The following GOLGA3 variants were observed in gnomAD, a reference collection of about 807,000 sequenced individuals.
The protein encoded by GOLGA3 is golgin subfamily A member 3.
GOLGA3 carries 75 observed loss-of-function variants against 169.4 expected under a neutral mutation model. The ratio of observed to expected loss-of-function variants is 0.44; its 90% CI spans 0.37 to 0.54. GOLGA3 has a LOEUF of 0.54. Ranked by LOEUF, GOLGA3 falls within the 20% of genes least tolerant of loss-of-function variation. The pLI, the probability that GOLGA3 is intolerant of heterozygous loss-of-function variation, is 0.00. For synonymous variants in GOLGA3, 824 were observed against 822.4 expected (o/e 1.00, Z -0.03); for missense variants, 1,899 against 1,930.0 (o/e 0.98, Z 0.30).
rs369727513 is a variant in GOLGA3, at chr12:132,808,217, C to T, written c.852G>A (p.Val284=). The change falls in exon 5 of 24, where the codon GTG becomes GTA. Residue 284 remains valine (V), a synonymous_variant. Transcript: ENST00000450791. The part of the protein sequence containing the change: ...KQNRSSAASV[V]SEISLSPDTD... ...TGTCGGGGGACAGGCTGATCTCAGA[C>T]ACAACGGACGCCGCACTGCTTCTGT... is the stretch of plus-strand genomic sequence containing the variant. 1 of 1,613,688 alleles carries T rather than the reference C, an allele frequency of 6.2e-7. No individual in the cohort carries two copies. The highest frequency in any genetic ancestry group is 8.5e-7 in the Non-Finnish European group (1 of 1,179,846).
At chr12:132,792,871 T>C (rs1203276991) in intron 11 of GOLGA3, among the ~76,000 whole-genome samples, 27 of 100,862 alleles carry the variant, frequency 2.7e-4, no homozygotes, top group South Asian at 7.0e-4. Flanking sequence ...CTCGGAGGGC[T>C]CCACACAGAC....
intron 7 of GOLGA3, among the ~76,000 whole-genome samples, chr12:132,802,914 G>A (rs190845210): frequency 6.6e-6 from 1 of 152,228 alleles, no homozygotes; most frequent in African/African-American, 2.4e-5. Flanking sequence ...AATTAGCCGG[G>A]CGCGGTGGCA....
chr12:132,790,478 G>A (rs1345809550), intron 12 of GOLGA3, among the ~76,000 whole-genome samples: 1 of 152,170 alleles, frequency 6.6e-6, no homozygotes, highest in East Asian at 1.9e-4. Flanking sequence ...AGGAGGTACT[G>A]GCTTCACTGA....
chr12:132,811,937 G>A (rs1035092743), intron 4 of GOLGA3: 1 of 195,952 alleles, frequency 5.1e-6, no homozygotes, highest in Non-Finnish European at 8.9e-6. Context: ...CTGGAACCTG[G>A]GAGGTGGAGG....
At chr12:132,780,274 G>A (rs1258503051) in intron 18 of GOLGA3, among the ~76,000 whole-genome samples, 1 of 152,170 alleles carries the variant, frequency 6.6e-6, no homozygotes, top group African/African-American at 2.4e-5. Flanking sequence ...CTCTGTGCCA[G>A]GTATGGCGGA....
rs1593200524 is a variant in GOLGA3 at position 132,769,137 on chromosome 12, C to G, written c.*3968G>C. ...TCCAGACCCTCTAACACATTTCCCT[C>G]CGGATCCTGTGAGAGCCTGAGATCA... On this transcript the variant is annotated 3_prime_UTR_variant, in exon 24 of 24. Transcript: ENST00000450791. The G allele has an allele frequency of 6.6e-6, 1 of 152,290 alleles. No individual in the cohort carries two copies. The highest frequency in any genetic ancestry group is 1.5e-5 in the Non-Finnish European group (1 of 68,052). 9.4% of individuals were successfully genotyped at this position (152,290 alleles called of 1,614,324 possible).
chr12:132,810,773 A>C (rs1301745661), intron 4 of GOLGA3, among the ~76,000 whole-genome samples: 1 of 152,026 alleles, frequency 6.6e-6, no homozygotes, highest in Non-Finnish European at 1.5e-5. Context: ...GAGTTTAGAG[A>C]AGACTCTACT....
chr12:132,778,546 G>A (rs1436007129), intron 18 of GOLGA3, among the ~76,000 whole-genome samples: 1 of 151,776 alleles, frequency 6.6e-6, no homozygotes, highest in Non-Finnish European at 1.5e-5. Context: ...ACTCCGGCCT[G>A]GGCGACAGAG....
At chr12:132,775,833 G>A (rs773083348) in intron 21 of GOLGA3, among the ~76,000 whole-genome samples, 2 of 152,264 alleles carry the variant, frequency 1.3e-5, no homozygotes, top group Non-Finnish European at 2.9e-5. Context: ...TTCCCGAGCA[G>A]TCAAGACCGA....
At chr12:132,811,001 T>C (rs1949676357) in intron 4 of GOLGA3, among the ~76,000 whole-genome samples, 2 of 152,162 alleles carry the variant, frequency 1.3e-5, no homozygotes, top group African/African-American at 4.8e-5. Flanking sequence ...ATAAGCTGTC[T>C]CTCTCTCTCC....
chr12:132,821,899 C>A, intron 2 of GOLGA3, 97 bp downstream of exon 2: 1 of 696,680 alleles, frequency 1.4e-6, no homozygotes, highest in Non-Finnish European at 2.4e-6. Flanking sequence ...GTGAAAAGCT[C>A]ACAGTGGTCT....
chr12:132,808,361 T>G lies in GOLGA3; in HGVS notation c.708A>C (p.Lys236Asn), dbSNP rs565886352. ...ACCGGATTTTGCTTGATTTGGAAGTTTTTTTCTCCCTAGGATGTGCCGGAA... is the reference window on the plus strand; with the variant it reads ...ACCGGATTTTGCTTGATTTGGAAGTGTTTTTCTCCCTAGGATGTGCCGGAA... ...LGLPAHPREK[K>N]TSKSSKIRSL... The change falls in exon 5 of 24, where the codon AAA becomes AAC. Residue 236 changes from lysine to asparagine, a missense_variant. Transcript: ENST00000450791. The G allele has an allele frequency of 6.2e-7, 1 of 1,614,012 alleles. No individual in the cohort carries two copies. Among genetic ancestry groups the G allele is most frequent in the Non-Finnish European group, 8.5e-7 (1 of 1,179,996 alleles).
At chr12:132,784,694 A>C (rs920306361) in intron 15 of GOLGA3, among the ~76,000 whole-genome samples, 8 of 151,164 alleles carry the variant, frequency 5.3e-5, no homozygotes, top group South Asian at 2.1e-4. Flanking sequence ...CCACGTGCAC[A>C]TGTTCACATC....
Position 132,777,843 on chromosome 12 carries a change from G to A in GOLGA3, c.3583-38C>T, listed in dbSNP as rs1299814626. The A allele has an allele frequency of 6.2e-7, 1 of 1,609,582 alleles. No individual in the cohort carries two copies. The highest frequency in any genetic ancestry group is 2.2e-5 in the East Asian group (1 of 44,846). On this transcript the variant is annotated intron_variant, in intron 18 of 23. Coordinates refer to ENST00000450791, the MANE Select transcript of GOLGA3 (RefSeq NM_001389683.1). The surrounding 1 kb of genome is among the most constrained non-coding windows in gnomAD (Gnocchi z 4.7). ...AAGCCACGTTGTCCATGCCCTGCGT[G>A]ACACCCACAGCTTTATGACGTGCCG...
At chr12:132,802,749 G>A (rs1322761944) in intron 7 of GOLGA3, among the ~76,000 whole-genome samples, 1 of 152,022 alleles carries the variant, frequency 6.6e-6, no homozygotes, top group Non-Finnish European at 1.5e-5. Context: ...CATCCTCTCT[G>A]TGTTTAAAAA....
intron 8 of GOLGA3, among the ~76,000 whole-genome samples, chr12:132,801,423 A>T (rs1344922018): frequency 6.6e-6 from 1 of 152,096 alleles, no homozygotes; most frequent in Non-Finnish European, 1.5e-5. Context: ...ATTCACAGGC[A>T]CGCAACACTG....
chr12:132,784,068 G>C (rs2045763570), intron 16 of GOLGA3, 96 bp downstream of exon 16: 1 of 1,570,686 alleles, frequency 6.4e-7, no homozygotes. Flanking sequence ...TGGGCACACG[G>C]TGAAGTTTTG....
chr12:132,769,483 G>C lies in GOLGA3; in HGVS notation c.*3622C>G, dbSNP rs2044799545. On this transcript the variant is annotated 3_prime_UTR_variant, in exon 24 of 24. Transcript: ENST00000450791. Reference sequence around the variant, plus strand: ...CCCCTGCTGGACCCACCCGAGGAGAGTCCATTTCACATCCTATCAGAAACA... The same window carrying C: ...CCCCTGCTGGACCCACCCGAGGAGACTCCATTTCACATCCTATCAGAAACA... 1 of 152,282 alleles carries C rather than the reference G, an allele frequency of 6.6e-6. No homozygotes were observed. Among genetic ancestry groups the C allele is most frequent in the African/African-American group, 2.4e-5 (1 of 41,466 alleles). 9.4% of individuals were successfully genotyped at this position (152,282 alleles called of 1,614,324 possible).
At chr12:132,786,300 G>T in intron 15 of GOLGA3, 39 bp downstream of exon 15, 1 of 1,390,722 alleles carries the variant, frequency 7.2e-7, no homozygotes, top group East Asian at 2.3e-5. Flanking sequence ...GCACTGAGGG[G>T]CTGGTGACCC....
Sources: gnomAD v4.1 joint callset for allele counts (sites outside exome capture counted in the v4.1 genomes callset) on GRCh38, gnomAD v4.1.1 for gene constraint, Gnocchi (gnomAD v3.1) non-coding constraint, MANE v1.5 for transcripts, NCBI Gene and HGNC (gene_info 2026-07-23, HGNC 2026-07-21) for gene names.